The following LY75 variants were observed in gnomAD, a reference collection of about 807,000 sequenced individuals.
LY75 encodes lymphocyte antigen 75.
LY75 carries 185 observed loss-of-function variants against 231.7 expected under a neutral mutation model. The ratio of observed to expected loss-of-function variants is 0.80; its 90% confidence interval spans 0.71 to 0.90. The LOEUF is 0.90. Ranked by LOEUF, LY75 falls within the 40% of genes least tolerant of loss-of-function variation. LY75 has a pLI of 0.00. For synonymous variants in LY75, 668 were observed against 689.0 expected, an observed-to-expected ratio of 0.97 and a Z score of 0.48; for missense variants, 1,947 against 2,050.2, an observed-to-expected ratio of 0.95 and a Z score of 0.97.
intron 24 of LY75, 114 bp downstream of exon 24, chr2:159,842,131 G>T (rs1684050739): frequency 2.3e-6 from 3 of 1,305,566 alleles, no homozygotes; most frequent in Non-Finnish European, 3.0e-6. Flanking sequence ...TACCCAATAG[G>T]TAATTTTTCA....
rs1331089047 is a variant in LY75, at chr2:159,853,273, C to T, written c.2743G>A (p.Asp915Asn). 6.8e-6 allele frequency: 11 copies of T among 1,610,642 alleles called. No homozygotes were observed. The highest frequency in any genetic ancestry group is 2.2e-5 in the East Asian group (1 of 44,768). ...TTAAAGGATTTAGAATTAACTTTAC[C>T]GATAAGCCAAGTCTTGGCAGACATG... Reference protein sequence around the residue: ...LYMSAKTWLIDLGKPTDCSTK... With the variant: ...LYMSAKTWLINLGKPTDCSTK... The change falls in exon 20 of 35, where the codon GAC becomes AAC. Residue 915 changes from aspartate (D) to asparagine (N), a missense_variant and splice_region_variant. Coordinates refer to ENST00000263636, the MANE Select transcript of LY75 (RefSeq NM_002349.4).
At chr2:159,836,223 C>T (rs1309850332) in intron 25 of LY75, among the ~76,000 whole-genome samples, 1 of 152,132 alleles carries the variant, frequency 6.6e-6, no homozygotes, top group South Asian at 2.1e-4. Flanking sequence ...CACTTAACTT[C>T]GTGGGGCTGG....
chr2:159,872,411 A>G, intron 13 of LY75, 40 bp downstream of exon 13: 1 of 1,606,264 alleles, frequency 6.2e-7, no homozygotes, highest in African/African-American at 1.3e-5. Flanking sequence ...TCTAGAGGAC[A>G]TCAAATTCAG....
chr2:159,872,481 T>A lies in LY75; in HGVS notation c.2087A>T (p.Glu696Val). The change falls in exon 13 of 35, where the codon GAA (glutamate) becomes GTA (valine). Residue 696 changes from glutamate (E) to valine (V), a missense_variant. Glu to Val is a moderately radical substitution (Grantham distance 121). Transcript: ENST00000263636. ...CTGGTCCGTTAAAAAGTGAAGAAATTCCTTTATTTCATCCACATGGCTGAA... is the reference window on the plus strand; with the variant it reads ...CTGGTCCGTTAAAAAGTGAAGAAATACCTTTATTTCATCCACATGGCTGAA... ...SSFSHVDEIKEFLHFLTDQFS... is the reference protein window; with the variant it reads ...SSFSHVDEIKVFLHFLTDQFS... 1 of 1,613,858 alleles carries A rather than the reference T, an allele frequency of 6.2e-7. No homozygotes were observed. Among genetic ancestry groups the A allele is most frequent in the Non-Finnish European group, 8.5e-7 (1 of 1,179,866 alleles).
At chr2:159,844,214 G>A (rs1362703305) in intron 23 of LY75, among the ~76,000 whole-genome samples, 1 of 149,644 alleles carries the variant, frequency 6.7e-6, no homozygotes, top group Admixed American at 6.7e-5. Flanking sequence ...ATATAATGCA[G>A]AATAGTAAAA....
chr2:159,809,106 A>G (rs535128607), intron 32 of LY75, among the ~76,000 whole-genome samples: 2 of 152,334 alleles, frequency 1.3e-5, no homozygotes, highest in African/African-American at 4.8e-5. Flanking sequence ...TGGTTCCCAC[A>G]CAAAAGTTCC....
chr2:159,904,236 G>A (rs929602484), intron 1 of LY75, among the ~76,000 whole-genome samples: 3 of 152,196 alleles, frequency 2.0e-5, no homozygotes, highest in African/African-American at 7.2e-5. Context: ...GAGGGCAGAT[G>A]GGGAACCCCA....
At chr2:159,891,978 G>A (rs1489462437) in intron 3 of LY75, among the ~76,000 whole-genome samples, 4 of 152,202 alleles carry the variant, frequency 2.6e-5, no homozygotes, top group African/African-American at 9.6e-5. Context: ...GAAAATACTG[G>A]CTTTTTCTAT....
At chr2:159,861,655 T>C (rs973068490) in intron 14 of LY75, among the ~76,000 whole-genome samples, 3 of 151,950 alleles carry the variant, frequency 2.0e-5, no homozygotes, top group Admixed American at 6.6e-5. Flanking sequence ...TGAGGATCAA[T>C]TGAACCCAGG....
At chr2:159,843,877 C>A (rs1039455231) in intron 23 of LY75, among the ~76,000 whole-genome samples, 2 of 152,098 alleles carry the variant, frequency 1.3e-5, no homozygotes, top group African/African-American at 4.8e-5. Context: ...ATTGTTTATA[C>A]AACACATGCA....
At chr2:159,822,959 C>T (rs1182565255) in intron 28 of LY75, among the ~76,000 whole-genome samples, 2 of 152,074 alleles carry the variant, frequency 1.3e-5, no homozygotes, top group Non-Finnish European at 2.9e-5. Flanking sequence ...ACATCAAAGA[C>T]CAAAGGTAGA....
chr2:159,892,201 T>C (rs1208615690), intron 3 of LY75, among the ~76,000 whole-genome samples: 1 of 152,158 alleles, frequency 6.6e-6, no homozygotes, highest in East Asian at 1.9e-4. Context: ...CCCTGAAATC[T>C]TAAGTCTTAA....
intron 21 of LY75, 84 bp from the exon 22 acceptor site, chr2:159,850,551 G>T: frequency 6.4e-7 from 1 of 1,560,546 alleles, no homozygotes; most frequent in Non-Finnish European, 8.7e-7. Flanking sequence ...TCTTTTAGAG[G>T]GCTGCTAATT....
intron 28 of LY75, among the ~76,000 whole-genome samples, chr2:159,822,324 T>C (rs1056330461): frequency 2.0e-5 from 3 of 152,230 alleles, no homozygotes; most frequent in African/African-American, 7.2e-5. Flanking sequence ...CAGTCTGAGA[T>C]TGACCTGGGA....
At chr2:159,814,926 T>G (rs1273599960) in intron 31 of LY75, among the ~76,000 whole-genome samples, 1 of 151,648 alleles carries the variant, frequency 6.6e-6, no homozygotes, top group Non-Finnish European at 1.5e-5. Context: ...ATTCCCTGAG[T>G]GCTTATACTG....
intron 23 of LY75, among the ~76,000 whole-genome samples, chr2:159,848,654 C>T (rs1490388098): frequency 1.3e-5 from 2 of 152,094 alleles, no homozygotes; most frequent in Non-Finnish European, 2.9e-5. Flanking sequence ...TATGATCTCA[C>T]TTATATCAAG....
At position 159,816,818 on chromosome 2, in the gene LY75, G is replaced by A. The variant is rs755312750; in HGVS notation, c.4368C>T (p.Leu1456=). The A allele has an allele frequency of 1.1e-5, 17 of 1,613,788 alleles. No individual in the cohort carries two copies. Among genetic ancestry groups the A allele is most frequent in the Non-Finnish European group, 1.4e-5 (16 of 1,179,800 alleles). ...KRDGFPLWVG[L]SSHDGSESSF... is the part of the protein sequence containing the mutation. ...AAGCAAGACTTACATCATGACTTGA[G>A]AGCCCAACCCATAGTGGAAATCCAT... Residue 1456 remains leucine (L), a synonymous_variant, in exon 30 of 35, where the codon CTC becomes CTT. Transcript: ENST00000263636.
chr2:159,850,800 T>TATATATATATATATATATATATATATA (rs1560081076), intron 21 of LY75, among the ~76,000 whole-genome samples: 3 of 59,426 alleles, frequency 5.0e-5, no homozygotes, highest in Admixed American at 1.4e-4. Flanking sequence ...ATATATATAT[T>TATATATATATATATATATATATATATA]ATATCTTATA....
chr2:159,850,485 T>C lies in LY75; in HGVS notation c.2884-18A>G, dbSNP rs557447966. 2.8e-5 allele frequency: 45 copies of C among 1,612,752 alleles called. No homozygotes were observed. The highest frequency in any genetic ancestry group is 8.8e-5 in the South Asian group (8 of 91,030). Reference sequence around the variant, plus strand: ...AGAAAACACTGCAAACAAAGACATATGTGAAGCATGAGATTCCAGACACAG... The same window carrying C: ...AGAAAACACTGCAAACAAAGACATACGTGAAGCATGAGATTCCAGACACAG... On this transcript the variant is annotated intron_variant, in intron 21 of 34. Transcript: ENST00000263636.
Sources: allele counts gnomAD v4.1 joint callset (sites outside exome capture counted in the v4.1 genomes callset), GRCh38; gene constraint gnomAD v4.1.1; transcripts MANE v1.5; gene names NCBI Gene and HGNC (gene_info 2026-07-23, HGNC 2026-07-21).